C8orf34: variants seen among roughly 807,000 people sequenced by gnomAD.
C8orf34 encodes the protein chromosome 8 open reading frame 34.
C8orf34 carries 65 observed loss-of-function variants against 68.3 expected under a neutral mutation model. The ratio of observed to expected loss-of-function variants is 0.95; its 90% CI spans 0.78 to 1.17. The LOEUF is 1.17. Ranked by LOEUF, C8orf34 falls within the 50% of genes most tolerant of loss-of-function variation. The probability of loss-of-function intolerance (pLI) is 0.00; values close to 1 mark genes in which losing one functional copy is unlikely to be tolerated. For missense variants in C8orf34, 664 were observed against 655.4 expected, an observed-to-expected ratio of 1.01 and a Z score of -0.14; for synonymous variants, 244 against 241.2, an observed-to-expected ratio of 1.01 and a Z score of -0.11.
intron 10 of C8orf34, among the ~76,000 whole-genome samples, chr8:68,731,195 A>G (rs1821967014): frequency 6.6e-6 from 1 of 152,192 alleles, no homozygotes; most frequent in Admixed American, 6.5e-5. Flanking sequence ...TACGAAAACT[A>G]CATAGATTAC....
intron 8 of C8orf34, among the ~76,000 whole-genome samples, chr8:68,672,856 A>G (rs1820056711): frequency 6.6e-6 from 1 of 152,162 alleles, no homozygotes; most frequent in Non-Finnish European, 1.5e-5. Flanking sequence ...GCTCTTGGAA[A>G]GACACCTCCC....
intron 7 of C8orf34, among the ~76,000 whole-genome samples, chr8:68,584,280 T>C (rs1419631994): frequency 6.6e-6 from 1 of 151,966 alleles, no homozygotes; most frequent in Non-Finnish European, 1.5e-5. Context: ...AAGCCCTCCA[T>C]CCTGATAGCG....
intron 12 of C8orf34, among the ~76,000 whole-genome samples, chr8:68,810,026 T>C (rs1824598796): frequency 6.6e-6 from 1 of 152,220 alleles, no homozygotes; most frequent in African/African-American, 2.4e-5. Flanking sequence ...TAGCCTAATG[T>C]CAATCTTTGG....
At chr8:68,623,711 CT>C (rs1818453282) in intron 7 of C8orf34, among the ~76,000 whole-genome samples, 2 of 151,994 alleles carry the variant, frequency 1.3e-5, no homozygotes, top group South Asian at 4.1e-4. Context: ...TTGTGGACCA[CT>C]GTCTTTTTTT....
chr8:68,502,073 T>A (rs1476393050), intron 5 of C8orf34, among the ~76,000 whole-genome samples: 1 of 152,182 alleles, frequency 6.6e-6, no homozygotes, highest in Non-Finnish European at 1.5e-5. Flanking sequence ...TTTGTTTGAT[T>A]GTTTATTCGT....
chr8:68,580,684 T>C (rs1429385874), intron 7 of C8orf34, among the ~76,000 whole-genome samples: 1 of 152,172 alleles, frequency 6.6e-6, no homozygotes, highest in Non-Finnish European at 1.5e-5. Context: ...AGATAGGAGA[T>C]AAGCTCAATT....
At chr8:68,399,959 T>G (rs1389480916) in intron 1 of C8orf34, among the ~76,000 whole-genome samples, 1 of 152,194 alleles carries the variant, frequency 6.6e-6, no homozygotes, top group Non-Finnish European at 1.5e-5. Flanking sequence ...GTATGTCTTC[T>G]TTTGAAAAAT....
intron 1 of C8orf34, among the ~76,000 whole-genome samples, chr8:68,404,560 A>G (rs1236020795): frequency 6.6e-6 from 1 of 152,138 alleles, no homozygotes; most frequent in East Asian, 1.9e-4. Context: ...TATACGGTGT[A>G]AGGAAGGGGC....
chr8:68,522,707 C>A (rs1010758507), intron 6 of C8orf34, among the ~76,000 whole-genome samples: 1 of 151,842 alleles, frequency 6.6e-6, no homozygotes, highest in African/African-American at 2.4e-5. Flanking sequence ...ACGAGTAAAA[C>A]TCAAAACAAA....
At chr8:68,748,942 G>A in intron 10 of C8orf34, among the ~76,000 whole-genome samples, 1 of 152,152 alleles carries the variant, frequency 6.6e-6, no homozygotes, top group East Asian at 1.9e-4. Flanking sequence ...GCACACGTAT[G>A]TTTATTGCGG....
intron 9 of C8orf34, among the ~76,000 whole-genome samples, chr8:68,717,643 T>C (rs1452057088): frequency 6.6e-6 from 1 of 152,154 alleles, no homozygotes; most frequent in Non-Finnish European, 1.5e-5. Flanking sequence ...GTTTATTTTG[T>C]CTTTGTAATT....
chr8:68,488,664 T>C (rs530116674), intron 5 of C8orf34, among the ~76,000 whole-genome samples: 1 of 152,320 alleles, frequency 6.6e-6, no homozygotes, highest in Non-Finnish European at 1.5e-5. Flanking sequence ...ATTGTGGTAC[T>C]GCTTACTAAA....
chr8:68,747,588 A>C (rs1256231975), intron 10 of C8orf34, among the ~76,000 whole-genome samples: 2 of 151,702 alleles, frequency 1.3e-5, no homozygotes, highest in African/African-American at 4.9e-5. Context: ...TTATACACCA[A>C]TAACAGACAA....
At chr8:68,655,304 A>G (rs552749814) in intron 8 of C8orf34, among the ~76,000 whole-genome samples, 3 of 152,340 alleles carry the variant, frequency 2.0e-5, no homozygotes, top group Admixed American at 6.5e-5. Context: ...GGTAAAACAT[A>G]TAACTATTTT....
chr8:68,793,324 G>A (rs899145344), intron 12 of C8orf34, among the ~76,000 whole-genome samples: 1 of 152,130 alleles, frequency 6.6e-6, no homozygotes, highest in Non-Finnish European at 1.5e-5. Flanking sequence ...TACTGTGTAT[G>A]AGTGATCACT....
chr8:68,508,214 G>C (rs1016507592), intron 5 of C8orf34, among the ~76,000 whole-genome samples: 1 of 152,104 alleles, frequency 6.6e-6, no homozygotes, highest in South Asian at 2.1e-4. Flanking sequence ...CTAAAATCAA[G>C]TGGATAATAT....
At chr8:68,692,561 A>G (rs552817485) in intron 8 of C8orf34, among the ~76,000 whole-genome samples, 2 of 152,188 alleles carry the variant, frequency 1.3e-5, no homozygotes, top group African/African-American at 4.8e-5. Context: ...AGTTATAACA[A>G]AAAAAGACTT....
intron 1 of C8orf34, among the ~76,000 whole-genome samples, chr8:68,361,981 T>C (rs1056903206): frequency 1.3e-5 from 2 of 152,262 alleles, no homozygotes; most frequent in African/African-American, 4.8e-5. Flanking sequence ...TGTGAGTTGA[T>C]GGATCTTCTT....
At chr8:68,344,061 C>T (rs939564146) in intron 1 of C8orf34, among the ~76,000 whole-genome samples, 3 of 152,112 alleles carry the variant, frequency 2.0e-5, no homozygotes, top group Non-Finnish European at 4.4e-5. Context: ...AGTGTTCATA[C>T]TCCTGAACAT....
Sources: allele counts gnomAD v4.1 joint callset (sites outside exome capture counted in the v4.1 genomes callset), GRCh38; gene constraint gnomAD v4.1.1; transcripts MANE v1.5; gene names NCBI Gene and HGNC (gene_info 2026-07-23, HGNC 2026-07-21).